Variants in MBD5 observed in about 807,000 individuals in gnomAD.
MBD5 encodes methyl-CpG-binding domain protein 5.
A neutral mutation model predicts 117.3 loss-of-function variants in MBD5; 13 were observed. The observed-to-expected ratio is 0.11, with a 90% CI of 0.07 to 0.18. The LOEUF is 0.18. Ranked by LOEUF, MBD5 falls within the 10% of genes least tolerant of loss-of-function variation. MBD5 has a pLI of 1.00. For missense variants in MBD5, 1,879 were observed against 2,093.8 expected (o/e 0.90, Z 2.00); for synonymous variants, 727 against 766.4 (o/e 0.95, Z 0.85).
chr2:148,459,316 T>C (rs1706987987), intron 5 of MBD5, among the ~76,000 whole-genome samples: 1 of 152,186 alleles, frequency 6.6e-6, no homozygotes, highest in Non-Finnish European at 1.5e-5. Context: ...ATACATTTCT[T>C]TTTTTCTGCA....
At chr2:148,339,093 C>G (rs544551246) in intron 3 of MBD5, among the ~76,000 whole-genome samples, 1 of 152,186 alleles carries the variant, frequency 6.6e-6, no homozygotes, top group South Asian at 2.1e-4. Flanking sequence ...AGGACAGATG[C>G]CTCGTGCCTA....
At chr2:148,248,168 C>T (rs200285285) in intron 3 of MBD5, among the ~76,000 whole-genome samples, 4 of 152,078 alleles carry the variant, frequency 2.6e-5, no homozygotes, top group African/African-American at 7.2e-5. Context: ...CTTAAGGTCC[C>T]GTCAGTACGG....
chr2:148,185,629 T>C (rs1361556138), intron 2 of MBD5, among the ~76,000 whole-genome samples: 1 of 152,116 alleles, frequency 6.6e-6, no homozygotes, highest in Non-Finnish European at 1.5e-5. Context: ...TGCTCAGGTG[T>C]GGTGGCTCAT....
chr2:148,489,596 T>G lies in MBD5; in HGVS notation c.3964T>G (p.Tyr1322Asp). The G allele has an allele frequency of 6.2e-7, 1 of 1,614,156 alleles. No individual in the cohort carries two copies. Among genetic ancestry groups the G allele is most frequent in the East Asian group, 2.2e-5 (1 of 44,872 alleles). Residue 1322 changes from tyrosine (Y) to aspartate (D), a missense_variant, in exon 11 of 14, where the codon TAC (tyrosine) becomes GAC (aspartate). By Grantham distance (160) the Tyr-to-Asp change is radical. Coordinates refer to ENST00000642680, the MANE Select transcript of MBD5 (RefSeq NM_001378120.1). ...GPGDASVDAI[Y>D]KAVVDAASKG... Reference sequence around the variant, plus strand: ...AGGTGATGCTTCCGTAGATGCCATTTACAAAGCAGTTGTCGATGCAGCCAG... The same window carrying G: ...AGGTGATGCTTCCGTAGATGCCATTGACAAAGCAGTTGTCGATGCAGCCAG...
chr2:148,224,100 T>G (rs958194721), intron 2 of MBD5, among the ~76,000 whole-genome samples: 1 of 152,214 alleles, frequency 6.6e-6, no homozygotes, highest in Admixed American at 6.5e-5. Flanking sequence ...TGATATTATT[T>G]CAGTTTTTTG....
intron 1 of MBD5, among the ~76,000 whole-genome samples, chr2:148,032,491 A>C (rs1694066889): frequency 6.6e-6 from 1 of 152,120 alleles, no homozygotes; most frequent in Non-Finnish European, 1.5e-5. Flanking sequence ...AAGAAGGAAT[A>C]GCATATACAG....
chr2:148,379,961 G>A (rs1447659345), intron 4 of MBD5, among the ~76,000 whole-genome samples: 2 of 152,130 alleles, frequency 1.3e-5, no homozygotes, highest in African/African-American at 4.8e-5. Context: ...AAAGCAAAAA[G>A]TAAGATACTG....
In MBD5 at chr2:148,462,628, C is replaced by A; in HGVS notation, c.160C>A (p.Leu54Met). 1 of 1,613,082 alleles carries A rather than the reference C, an allele frequency of 6.2e-7. No individual in the cohort carries two copies. Among genetic ancestry groups the A allele is most frequent in the African/African-American group, 1.3e-5 (1 of 74,958 alleles). Reference protein sequence around the residue: ...LSCLEQVKTYLLTDGTCKCGL... With the variant: ...LSCLEQVKTYMLTDGTCKCGL... ...TTGCTTGGAGCAGGTTAAAACATAC[C>A]TGCTTACTGATGGAACATGCAAGTG... Residue 54 changes from leucine (L) to methionine (M), a missense_variant, in exon 6 of 14, where the codon CTG (leucine) becomes ATG (methionine). This residue lies in a region of MBD5 where 71 missense variants were observed against 129.2 expected (regional missense o/e 0.55). Transcript: ENST00000642680.
chr2:148,357,063 C>T (rs1465040660), intron 4 of MBD5, among the ~76,000 whole-genome samples: 2 of 152,064 alleles, frequency 1.3e-5, no homozygotes, highest in East Asian at 3.9e-4. Context: ...AGGGGCAGAG[C>T]CTTACAGGTC....
intron 2 of MBD5, among the ~76,000 whole-genome samples, chr2:148,221,555 A>G (rs559051315): frequency 1.8e-4 from 28 of 152,252 alleles, no homozygotes; most frequent in South Asian, 6.2e-4. Context: ...TGCCATTTCC[A>G]TGGCTTCTTT....
intron 1 of MBD5, among the ~76,000 whole-genome samples, chr2:148,134,306 A>G (rs139292215): frequency 4.1e-4 from 63 of 152,310 alleles, no homozygotes; most frequent in Non-Finnish European, 8.5e-4. Flanking sequence ...ATATATGTTG[A>G]AATTCTTGGC....
rs201695275 is a variant in MBD5 at position 148,469,478 on chromosome 2, C to T, written c.1535C>T (p.Ser512Phe). The T allele has an allele frequency of 1.8e-4, 297 of 1,613,870 alleles. No individual in the cohort carries two copies. Among genetic ancestry groups the T allele is most frequent in the Middle Eastern group, 5.0e-4 (3 of 6,058 alleles). The change falls in exon 8 of 14, where the codon TCC (serine) becomes TTC (phenylalanine). Residue 512 changes from serine to phenylalanine, a missense_variant. Physicochemically the swap from Ser to Phe is radical, Grantham distance 155. Coordinates refer to ENST00000642680, the MANE Select transcript of MBD5 (RefSeq NM_001378120.1). ...PSMPSSPSTKSDGHHQYKDIP... is the reference protein window; with the variant it reads ...PSMPSSPSTKFDGHHQYKDIP... ...ATGCCATCAAGCCCTTCTACCAAGT[C>T]CGATGGACATCATCAGTACAAGGAT...
chr2:148,136,648 CAT>C (rs950657248), intron 1 of MBD5, among the ~76,000 whole-genome samples: 51 of 152,266 alleles, frequency 3.3e-4, no homozygotes, highest in Non-Finnish European at 6.0e-4. Context: ...ACTTGGCTAA[CAT>C]GTGAAGTTTC....
chr2:148,050,191 C>T (rs1227378137), intron 1 of MBD5, among the ~76,000 whole-genome samples: 2 of 152,088 alleles, frequency 1.3e-5, no homozygotes, highest in Admixed American at 6.5e-5. Context: ...AGCTTCCTTA[C>T]CAACACTTGT....
rs572516567 is a variant in MBD5 at position 148,340,162 on chromosome 2, A to G, written c.-679-2052A>G. 1.2e-4 allele frequency among the ~76,000 whole-genome samples: 18 copies of G among 152,254 alleles called. No homozygotes were observed. In the South Asian group the frequency reaches 3.5e-3, roughly 30 times the overall value. ...GTCCTTAGGACAAGCCAGGGTTCTCAAGTGAAATTTCAAATCTCTATGAGG... is the reference window on the plus strand; with the variant it reads ...GTCCTTAGGACAAGCCAGGGTTCTCGAGTGAAATTTCAAATCTCTATGAGG... On this transcript the variant is annotated intron_variant, in intron 3 of 13. Transcript: ENST00000642680.
intron 3 of MBD5, among the ~76,000 whole-genome samples, chr2:148,274,066 T>A (rs1415477822): frequency 1.3e-5 from 2 of 152,152 alleles, no homozygotes; most frequent in Non-Finnish European, 2.9e-5. Flanking sequence ...CTAGTTCTCA[T>A]TTGGAAGTTT....
intron 4 of MBD5, among the ~76,000 whole-genome samples, chr2:148,360,733 G>T (rs1553505304): frequency 6.6e-6 from 1 of 152,020 alleles, no homozygotes; most frequent in Non-Finnish European, 1.5e-5. Context: ...CCACATGCTG[G>T]AATTACAGGG....
chr2:148,259,215 C>T (rs1700673434), intron 3 of MBD5, among the ~76,000 whole-genome samples: 1 of 152,162 alleles, frequency 6.6e-6, no homozygotes, highest in Non-Finnish European at 1.5e-5. Context: ...GGTCACCTTG[C>T]CCTTGTGCCA....
At chr2:148,290,194 G>A (rs1701469711) in intron 3 of MBD5, among the ~76,000 whole-genome samples, 1 of 148,634 alleles carries the variant, frequency 6.7e-6, no homozygotes, top group Non-Finnish European at 1.5e-5. Flanking sequence ...CTGACCTCAG[G>A]TGACCTACCT....
Sources: gnomAD v4.1 joint callset for allele counts (sites outside exome capture counted in the v4.1 genomes callset) on GRCh38, gnomAD v4.1.1 for gene constraint, gnomAD v4.1.1 regional missense constraint, MANE v1.5 for transcripts, NCBI Gene and HGNC (gene_info 2026-07-23, HGNC 2026-07-21) for gene names.